PLCG2: variants seen among roughly 807,000 people sequenced by gnomAD.
PLCG2 encodes phospholipase C gamma 2.
Under a neutral mutation model 175.6 loss-of-function variants are expected in PLCG2, and 69 were observed. The ratio of observed to expected loss-of-function variants is 0.39; its 90% CI spans 0.32 to 0.48. The LOEUF is 0.48. Among genes scored for constraint, PLCG2 ranks in the 20% least tolerant of loss-of-function variants. The pLI, the probability that PLCG2 is intolerant of heterozygous loss-of-function variation, is 0.91. For missense variants in PLCG2, 1,798 were observed against 1,650.9 expected (o/e 1.09, Z -1.54); for synonymous variants, 827 against 624.0 (o/e 1.33, Z -4.85).
chr16:81,779,884 G>T (rs544862304), intron 1 of PLCG2, among the ~76,000 whole-genome samples: 1 of 152,242 alleles, frequency 6.6e-6, no homozygotes, highest in South Asian at 2.1e-4. Flanking sequence ...GATACCGCGG[G>T]AGGCGCAGTC....
chr16:81,767,280 G>T (rs769987980), intron 2 of PLCG2, among the ~76,000 whole-genome samples: 2 of 151,880 alleles, frequency 1.3e-5, no homozygotes, highest in African/African-American at 2.4e-5. Context: ...GAATAGCTGG[G>T]GTTACGGGCG....
chr16:81,936,126 G>T (rs750368234), intron 26 of PLCG2, 43 bp from the exon 27 acceptor site: 5 of 1,607,756 alleles, frequency 3.1e-6, no homozygotes, highest in Non-Finnish European at 2.5e-6. Context: ...AAAATGCACA[G>T]ATGAGACACA....
At chr16:81,881,965 A>G (rs187480585) in intron 8 of PLCG2, among the ~76,000 whole-genome samples, 73 of 152,300 alleles carry the variant, frequency 4.8e-4, no homozygotes, top group African/African-American at 1.8e-3. Context: ...ATTTCTATGT[A>G]GTATTTTAAT....
At chr16:81,881,784 C>T (rs927327810) in intron 8 of PLCG2, among the ~76,000 whole-genome samples, 10 of 151,952 alleles carry the variant, frequency 6.6e-5, no homozygotes, top group Non-Finnish European at 1.3e-4. Context: ...GCTGGGACTA[C>T]AGGCATCCAT....
chr16:81,855,688 C>T (rs1906648693), intron 3 of PLCG2, among the ~76,000 whole-genome samples: 1 of 152,142 alleles, frequency 6.6e-6, no homozygotes, highest in Non-Finnish European at 1.5e-5. Context: ...ATACAGTGTG[C>T]TGTGAATGTT....
intron 2 of PLCG2, among the ~76,000 whole-genome samples, chr16:81,839,436 G>C (rs1019754674): frequency 2.0e-5 from 3 of 152,020 alleles, no homozygotes; most frequent in Non-Finnish European, 4.4e-5. Context: ...TTAAAGAAAA[G>C]CAGAATTAGC....
chr16:81,861,481 C>G (rs867085720), intron 5 of PLCG2, among the ~76,000 whole-genome samples: 65 of 152,296 alleles, frequency 4.3e-4, no homozygotes, highest in Middle Eastern at 6.8e-3. Context: ...TTAGGTCAGC[C>G]ATTAGCTCAC....
At position 81,805,767 on chromosome 16, in the gene PLCG2, G is replaced by GTT. The variant is rs766609754; in HGVS notation, c.193+19599_193+19600dup. Among the ~76,000 whole-genome samples the GTT allele has an allele frequency of 4.0e-3, 156 of 39,470 alleles. 10 individuals are homozygous for GTT. Among genetic ancestry groups the GTT allele is most frequent in the African/African-American group, 0.012 (94 of 8,146 alleles). 25.9% of individuals were successfully genotyped at this position (39,470 alleles called of 152,430 possible). A position where few individuals can be genotyped will look rare whatever the true frequency, so the allele number is the denominator to read the frequency against. On this transcript the variant is annotated intron_variant, in intron 2 of 32. Coordinates refer to ENST00000564138, the MANE Select transcript of PLCG2 (RefSeq NM_002661.5). The stretch of plus-strand genomic sequence containing the variant: ...AGCCATGAGAGTAGTGTTTTGTTTT[G>GTT]TTTTTTTTTTTTTTTGTTTTTTTTT...
intron 2 of PLCG2, among the ~76,000 whole-genome samples, chr16:81,794,061 C>G (rs966310093): frequency 1.3e-5 from 2 of 152,140 alleles, no homozygotes; most frequent in Non-Finnish European, 2.9e-5. Context: ...ACATGAATTC[C>G]TTACGTGTGC....
At chr16:81,915,422 TCTTGGGCAGTGAAGCTGAGAC>T (rs1163038167) in intron 19 of PLCG2, among the ~76,000 whole-genome samples, 1 of 152,226 alleles carries the variant, frequency 6.6e-6, no homozygotes, top group Admixed American at 6.5e-5. Flanking sequence ...GGAAGGCATC[TCTTGGGCAGTGAAGCTGAGAC>T]CTCAGGCTGT....
At chr16:81,753,869 G>A (rs77861148) in intron 1 of PLCG2, among the ~76,000 whole-genome samples, 2 of 152,172 alleles carry the variant, frequency 1.3e-5, no homozygotes, top group African/African-American at 4.8e-5. Flanking sequence ...GAGGGCCTGG[G>A]GAGTGGGAAG....
At chr16:81,828,039 G>T (rs949977430) in intron 2 of PLCG2, among the ~76,000 whole-genome samples, 1 of 140,594 alleles carries the variant, frequency 7.1e-6, no homozygotes, top group Non-Finnish European at 1.5e-5. Flanking sequence ...GCACTGAGCC[G>T]AGATCATGCC....
intron 30 of PLCG2, among the ~76,000 whole-genome samples, chr16:81,943,666 C>A (rs1447256786): frequency 6.6e-6 from 1 of 152,218 alleles, no homozygotes; most frequent in Admixed American, 6.5e-5. Flanking sequence ...TAACAAGATT[C>A]ACAGGTGATT....
Position 81,840,538 on chromosome 16 carries a change from G to C in PLCG2, c.194-13906G>C, listed in dbSNP as rs149493442. Among the ~76,000 whole-genome samples, 33 of 152,308 alleles carry C rather than the reference G, an allele frequency of 2.2e-4. No individual in the cohort carries two copies. The East Asian group carries it at 6.4e-3, about 29-fold the overall frequency. The stretch of plus-strand genomic sequence containing the variant: ...CCTGCAACTAGACAGTTCTATCTGG[G>C]AGTGATGGGAGACAGTGACAGATCA... On this transcript the variant is annotated intron_variant, in intron 2 of 32. Transcript: ENST00000564138.
chr16:81,785,881 C>T, intron 1 of PLCG2, 62 bp from the exon 2 acceptor site: 1 of 1,012,284 alleles, frequency 9.9e-7, no homozygotes, highest in Non-Finnish European at 1.5e-6. Context: ...GAAGTTCATG[C>T]CCTGTTAACT....
chr16:81,852,127 G>A (rs1163334532), intron 2 of PLCG2: 1 of 152,208 alleles, frequency 6.6e-6, no homozygotes, highest in African/African-American at 2.4e-5. Flanking sequence ...GAGTTCAAAG[G>A]TACACCAGGG....
chr16:81,745,728 G>C (rs1289802692), intron 1 of PLCG2, among the ~76,000 whole-genome samples: 1 of 152,204 alleles, frequency 6.6e-6, no homozygotes, highest in Non-Finnish European at 1.5e-5. Context: ...TAAATCTCAG[G>C]TTCTGACCTT....
intron 2 of PLCG2, among the ~76,000 whole-genome samples, chr16:81,762,306 C>T (rs200928528): frequency 9.2e-5 from 14 of 152,166 alleles, no homozygotes; most frequent in Non-Finnish European, 1.5e-4. Flanking sequence ...TGGTGGCTCA[C>T]GCCTGTAATC....
At chr16:81,877,598 T>A (rs1907863183) in intron 7 of PLCG2, among the ~76,000 whole-genome samples, 1 of 152,226 alleles carries the variant, frequency 6.6e-6, no homozygotes, top group Non-Finnish European at 1.5e-5. Flanking sequence ...TGGCTTCTAG[T>A]GGCTGCCAGC....
Sources: allele counts gnomAD v4.1 joint callset (sites outside exome capture counted in the v4.1 genomes callset), GRCh38; gene constraint gnomAD v4.1.1; transcripts MANE v1.5; gene names NCBI Gene and HGNC (gene_info 2026-07-23, HGNC 2026-07-21).